The following NKAIN2 variants were observed in gnomAD, a reference collection of about 807,000 sequenced individuals.
NKAIN2 encodes sodium/potassium-transporting ATPase subunit beta-1-interacting protein 2.
In NKAIN2, 14 loss-of-function variants were observed where a neutral mutation model predicts 32.6. That is an observed-to-expected ratio of 0.43 (90% CI 0.28 to 0.67). The LOEUF (loss-of-function observed/expected upper bound fraction) is 0.67. NKAIN2 is among the 30% of genes least tolerant of loss of function. The pLI is 0.17. For missense variants in NKAIN2, 198 were observed against 258.3 expected (o/e 0.77, Z 1.60); for synonymous variants, 80 against 87.2 (o/e 0.92, Z 0.46).
intron 1 of NKAIN2, among the ~76,000 whole-genome samples, chr6:124,144,447 A>G (rs1787291939): frequency 6.6e-6 from 1 of 152,194 alleles, no homozygotes; most frequent in Admixed American, 6.5e-5. Flanking sequence ...AAGAAAAATA[A>G]TGGAACAGAA....
rs531038499 is a variant in NKAIN2 at position 124,497,289 on chromosome 6, T to C, written c.273+141942T>C. On this transcript the variant is annotated intron_variant, in intron 3 of 6. Coordinates refer to ENST00000368417, the MANE Select transcript of NKAIN2 (RefSeq NM_001040214.3). ...ATGTGCATGCTTTTTACAAGATGTA[T>C]GACTTGCCACTAAAAAATAAAAATG... 1.7e-3 allele frequency among the ~76,000 whole-genome samples: 263 copies of C among 152,302 alleles called. 1 individual carries two copies. Among genetic ancestry groups the C allele is most frequent in the Non-Finnish European group, 2.7e-3 (181 of 68,012 alleles).
chr6:123,822,625 C>T (rs1410175737), intron 1 of NKAIN2, among the ~76,000 whole-genome samples: 1 of 152,068 alleles, frequency 6.6e-6, no homozygotes, highest in Non-Finnish European at 1.5e-5. Flanking sequence ...ACATGATCCT[C>T]CCATTCAGAT....
At chr6:124,552,722 T>A (rs1780336958) in intron 3 of NKAIN2, among the ~76,000 whole-genome samples, 1 of 152,218 alleles carries the variant, frequency 6.6e-6, no homozygotes. Context: ...AGAATCAATG[T>A]CTAAGGGTTA....
At chr6:123,893,400 T>G (rs1223228436) in intron 1 of NKAIN2, among the ~76,000 whole-genome samples, 2 of 152,118 alleles carry the variant, frequency 1.3e-5, no homozygotes, top group African/African-American at 4.8e-5. Context: ...AGAGATGGGG[T>G]CTTGCTACCT....
chr6:124,277,593 C>T (rs1795098477), intron 1 of NKAIN2, among the ~76,000 whole-genome samples: 1 of 152,042 alleles, frequency 6.6e-6, no homozygotes, highest in African/African-American at 2.4e-5. Context: ...TAACTTTTGA[C>T]AAGTTTGTTA....
chr6:124,470,663 T>C (rs1318979957), intron 3 of NKAIN2, among the ~76,000 whole-genome samples: 1 of 152,048 alleles, frequency 6.6e-6, no homozygotes, highest in African/African-American at 2.4e-5. Flanking sequence ...ATTAGGGAGA[T>C]TTGGGGAATC....
rs542338789 is a variant in NKAIN2 at position 124,378,936 on chromosome 6, T to C, written c.273+23589T>C. Among the ~76,000 whole-genome samples, 18 of 149,118 alleles carry C rather than the reference T, an allele frequency of 1.2e-4. No individual in the cohort carries two copies. In the South Asian group the frequency reaches 3.1e-3, roughly 25 times the overall value. On this transcript the variant is annotated intron_variant, in intron 3 of 6. Coordinates refer to ENST00000368417, the MANE Select transcript of NKAIN2 (RefSeq NM_001040214.3). Reference sequence around the variant, plus strand: ...AAAGAGACCTGACTCTACATTTTTTTTTTTTAATAGCTGGGCATGGTGGTG... The same window carrying C: ...AAAGAGACCTGACTCTACATTTTTTCTTTTTAATAGCTGGGCATGGTGGTG...
intron 3 of NKAIN2, among the ~76,000 whole-genome samples, chr6:124,460,504 A>G (rs551952102): frequency 3.4e-5 from 5 of 145,808 alleles, no homozygotes; most frequent in Non-Finnish European, 7.5e-5. Context: ...TATGGAATTC[A>G]GGATTGTTAG....
At chr6:124,602,735 T>C (rs17764529) in intron 3 of NKAIN2, among the ~76,000 whole-genome samples, 14,021 of 152,006 alleles carry the variant, frequency 0.092, 771 homozygotes, top group South Asian at 0.24. Flanking sequence ...CTTTTTCTAA[T>C]GTATGCATTT....
intron 1 of NKAIN2, among the ~76,000 whole-genome samples, chr6:124,052,468 A>G (rs1332858976): frequency 6.6e-6 from 1 of 152,082 alleles, no homozygotes; most frequent in Non-Finnish European, 1.5e-5. Flanking sequence ...TTTACAAGAA[A>G]GTCTTCTTTT....
At chr6:124,362,856 A>G (rs980498648) in intron 3 of NKAIN2, among the ~76,000 whole-genome samples, 15 of 152,188 alleles carry the variant, frequency 9.9e-5, no homozygotes, top group African/African-American at 3.1e-4. Flanking sequence ...TTTTTTTGAG[A>G]TAGAGTCCCA....
At chr6:124,430,918 A>G (rs929319777) in intron 3 of NKAIN2, among the ~76,000 whole-genome samples, 2 of 152,162 alleles carry the variant, frequency 1.3e-5, no homozygotes, top group South Asian at 4.1e-4. Flanking sequence ...GCTTTCAGTT[A>G]CTTGGGTGTC....
At chr6:123,956,034 G>A (rs1777571176) in intron 1 of NKAIN2, among the ~76,000 whole-genome samples, 1 of 151,486 alleles carries the variant, frequency 6.6e-6, no homozygotes, top group Non-Finnish European at 1.5e-5. Context: ...TGCTTAACTT[G>A]GGAGAATCTG....
At chr6:123,845,233 G>A (rs912406489) in intron 1 of NKAIN2, among the ~76,000 whole-genome samples, 1 of 152,036 alleles carries the variant, frequency 6.6e-6, no homozygotes, top group African/African-American at 2.4e-5. Flanking sequence ...TATCTTCTAT[G>A]GCAAAGAACA....
At chr6:124,372,492 G>T (rs1384028899) in intron 3 of NKAIN2, among the ~76,000 whole-genome samples, 1 of 152,040 alleles carries the variant, frequency 6.6e-6, no homozygotes, top group African/African-American at 2.4e-5. Context: ...CTGTTCTCAG[G>T]ATTTTTATGT....
At chr6:123,986,978 C>T (rs762367120) in intron 1 of NKAIN2, among the ~76,000 whole-genome samples, 1 of 152,166 alleles carries the variant, frequency 6.6e-6, no homozygotes, top group Non-Finnish European at 1.5e-5. Flanking sequence ...AGGACTATAA[C>T]GTGAATATCT....
intron 1 of NKAIN2, among the ~76,000 whole-genome samples, chr6:123,987,451 T>C (rs1399781102): frequency 6.6e-6 from 1 of 152,206 alleles, no homozygotes; most frequent in Non-Finnish European, 1.5e-5. Flanking sequence ...TGTCTTCAAA[T>C]ACCTGTTTAT....
At chr6:123,920,220 A>T (rs2114488134) in intron 1 of NKAIN2, among the ~76,000 whole-genome samples, 1 of 152,298 alleles carries the variant, frequency 6.6e-6, no homozygotes, top group East Asian at 1.9e-4. Context: ...AAAGAAGTAC[A>T]TGAAATCAGT....
chr6:124,072,470 A>C (rs867320261), intron 1 of NKAIN2, among the ~76,000 whole-genome samples: 1 of 152,208 alleles, frequency 6.6e-6, no homozygotes, highest in South Asian at 2.1e-4. Flanking sequence ...AGAGAAGTTG[A>C]AATTATTTTA....
Sources: gnomAD v4.1 joint callset for allele counts (sites outside exome capture counted in the v4.1 genomes callset) on GRCh38, gnomAD v4.1.1 for gene constraint, MANE v1.5 for transcripts, NCBI Gene and HGNC (gene_info 2026-07-23, HGNC 2026-07-21) for gene names.